Variants in ALPL observed in about 807,000 individuals in gnomAD.
ALPL encodes the protein alkaline phosphatase, biomineralization associated, also known as alkaline phosphatase, tissue-nonspecific isozyme.
Under a neutral mutation model 51.3 loss-of-function variants are expected in ALPL, and 42 were observed. The ratio of observed to expected loss-of-function variants is 0.82; its 90% CI spans 0.64 to 1.06. The LOEUF is 1.06. ALPL is among the 50% of genes least tolerant of loss of function. ALPL has a pLI of 0.00. For synonymous variants in ALPL, 279 were observed against 296.4 expected (o/e 0.94, Z 0.60); for missense variants, 589 against 709.4 (o/e 0.83, Z 1.93).
chr1:21,534,293 ACTGT>A (rs1644069229), intron 1 of ALPL, among the ~76,000 whole-genome samples: 1 of 152,208 alleles, frequency 6.6e-6, no homozygotes, highest in Non-Finnish European at 1.5e-5. Flanking sequence ...GTATATTCTG[ACTGT>A]CCGCCCTTGG....
rs77348849 is a variant in ALPL, at chr1:21,547,890, C to T, written c.-104-6088C>T. Among the ~76,000 whole-genome samples the T allele has an allele frequency of 1.6e-3, 246 of 152,276 alleles. 2 individuals carry two copies. Among genetic ancestry groups the T allele is most frequent in the African/African-American group, 5.6e-3 (233 of 41,552 alleles). ...TCATTTGCCCCAGATCTTCTGAGAC[C>T]CAGCCCAAGGCTGGCTTTTTGCCCC... On this transcript the variant is annotated intron_variant, in intron 1 of 11. Transcript: ENST00000374840.
intron 1 of ALPL, among the ~76,000 whole-genome samples, chr1:21,542,579 C>T (rs1330220270): frequency 2.0e-5 from 3 of 152,186 alleles, no homozygotes; most frequent in African/African-American, 7.2e-5. Flanking sequence ...CAGTGGCTCA[C>T]GCCTGTAATC....
chr1:21,558,947 G>A (rs1644448513), intron 2 of ALPL, among the ~76,000 whole-genome samples: 1 of 152,236 alleles, frequency 6.6e-6, no homozygotes, highest in African/African-American at 2.4e-5. Context: ...GGAGACACTG[G>A]TGCCCACCTG....
chr1:21,567,791 C>T (rs991671126), intron 6 of ALPL, among the ~76,000 whole-genome samples: 20 of 152,208 alleles, frequency 1.3e-4, no homozygotes, highest in Admixed American at 4.6e-4. Context: ...GCCTGACACA[C>T]AGGGAACGCT....
At chr1:21,526,517 G>A (rs1208963425) in intron 1 of ALPL, among the ~76,000 whole-genome samples, 1 of 152,128 alleles carries the variant, frequency 6.6e-6, no homozygotes, top group African/African-American at 2.4e-5. Flanking sequence ...TCAGTTCTAA[G>A]TAATTTTAAG....
intron 9 of ALPL, among the ~76,000 whole-genome samples, 186 bp from the exon 10 acceptor site, chr1:21,575,547 G>A (rs892607237): frequency 6.6e-6 from 1 of 152,212 alleles, no homozygotes; most frequent in African/African-American, 2.4e-5. Flanking sequence ...GTCCCTCTCT[G>A]GCCTCCGTCA....
intron 1 of ALPL, among the ~76,000 whole-genome samples, chr1:21,515,241 G>A (rs1418621670): frequency 6.6e-6 from 1 of 152,178 alleles, no homozygotes; most frequent in Non-Finnish European, 1.5e-5. Context: ...CCAGAAGTGT[G>A]ACCTTTATTT....
At chr1:21,511,599 A>T (rs1643688647) in intron 1 of ALPL, among the ~76,000 whole-genome samples, 1 of 152,132 alleles carries the variant, frequency 6.6e-6, no homozygotes, top group African/African-American at 2.4e-5. Context: ...TGGGCTACAC[A>T]TGTGGGGTGG....
intron 6 of ALPL, among the ~76,000 whole-genome samples, chr1:21,567,789 C>G (rs958803874): frequency 1.3e-5 from 2 of 152,292 alleles, no homozygotes; most frequent in Non-Finnish European, 2.9e-5. Context: ...GTGCCTGACA[C>G]ACAGGGAACG....
intron 7 of ALPL, among the ~76,000 whole-genome samples, 183 bp downstream of exon 7, chr1:21,568,430 CTTGGAGGGGATACCAGAGAGAGGCGGA>C (rs1301551012): frequency 2.0e-5 from 3 of 152,088 alleles, no homozygotes; most frequent in African/African-American, 7.2e-5. Flanking sequence ...ATTTCCTTCC[CTTGGAGGGGATACCAGAGAGAGGCGGA>C]TGGTGAGGAG....
chr1:21,568,989 G>A (rs960466665), intron 7 of ALPL, among the ~76,000 whole-genome samples: 63 of 152,152 alleles, frequency 4.1e-4, no homozygotes, highest in African/African-American at 1.4e-3. Context: ...GAAGACAGTG[G>A]GGAGTAGCCT....
At chr1:21,573,210 G>T (rs2148182957) in intron 8 of ALPL, among the ~76,000 whole-genome samples, 1 of 152,326 alleles carries the variant, frequency 6.6e-6, no homozygotes, top group East Asian at 1.9e-4. Flanking sequence ...GAGGTGGGCG[G>T]ATGACCTGAG....
At chr1:21,575,255 A>G (rs1489779070) in intron 9 of ALPL, among the ~76,000 whole-genome samples, 1 of 152,062 alleles carries the variant, frequency 6.6e-6, no homozygotes, top group Non-Finnish European at 1.5e-5. Flanking sequence ...GCTTCCCCAC[A>G]CTAGGCCTCA....
chr1:21,547,117 CAG>C lies in ALPL; in HGVS notation c.-104-6857_-104-6856del, dbSNP rs61037114. On this transcript the variant is annotated intron_variant, in intron 1 of 11. Coordinates refer to ENST00000374840, the MANE Select transcript of ALPL (RefSeq NM_000478.6). ...CCGACTGTTTCCATAGAACCTAGCA[CAG>C]AGATACTCAGCAGGTGCTCTGTAGG... Among the ~76,000 whole-genome samples the C allele has an allele frequency of 9.3e-3, 1,410 of 152,332 alleles. 18 individuals carry two copies. Among genetic ancestry groups the C allele is most frequent in the African/African-American group, 0.031 (1,303 of 41,574 alleles).
chr1:21,554,501 T>C (rs1644373300), intron 2 of ALPL, among the ~76,000 whole-genome samples: 1 of 148,908 alleles, frequency 6.7e-6, no homozygotes, highest in African/African-American at 2.4e-5. Flanking sequence ...CTTAATTTTT[T>C]TTTTTTTGAG....
chr1:21,513,665 G>A (rs1643735549), intron 1 of ALPL, among the ~76,000 whole-genome samples: 1 of 152,214 alleles, frequency 6.6e-6, no homozygotes, highest in Non-Finnish European at 1.5e-5. Context: ...ATCACAAACT[G>A]CCTTCCTAAG....
In ALPL at chr1:21,562,961, G is replaced by C. The variant is rs570536043; in HGVS notation, c.298-149G>C. ...GCAGCTAGGTAGTCCTGTGGCTCTG[G>C]GGGGCTTCAGTGGGCAGTGGGCCTG... On this transcript the variant is annotated intron_variant, in intron 4 of 11. Transcript: ENST00000374840. The C allele has an allele frequency of 6.3e-5, 66 of 1,046,530 alleles. 1 individual carries two copies. Among genetic ancestry groups the C allele is most frequent in the Middle Eastern group, 5.6e-4 (2 of 3,570 alleles). 64.8% of individuals were successfully genotyped at this position (1,046,530 alleles called of 1,614,324 possible).
intron 7 of ALPL, among the ~76,000 whole-genome samples, chr1:21,569,498 G>A (rs1270238718): frequency 1.3e-5 from 2 of 151,490 alleles, no homozygotes; most frequent in East Asian, 1.9e-4. Context: ...GCCCTCATCT[G>A]TAAAGAGGGA....
chr1:21,552,114 T>TCCCCTCCCCCCCCC (rs1244827813), intron 1 of ALPL, among the ~76,000 whole-genome samples: 4 of 51,434 alleles, frequency 7.8e-5, no homozygotes, highest in African/African-American at 1.4e-4. Context: ...TTTCCTCCCC[T>TCCCCTCCCCCCCCC]TCCCTTTCCT....
Sources: allele counts gnomAD v4.1 joint callset (sites outside exome capture counted in the v4.1 genomes callset), GRCh38; gene constraint gnomAD v4.1.1; transcripts MANE v1.5; gene names NCBI Gene and HGNC (gene_info 2026-07-23, HGNC 2026-07-21).